The following TNPO2 variants were observed in gnomAD, a reference collection of about 807,000 sequenced individuals.
TNPO2 encodes transportin 2, also known as transportin-2.
In TNPO2, 16 loss-of-function variants were observed where a neutral mutation model predicts 111.1. The ratio of observed to expected loss-of-function variants is 0.14; its 90% CI spans 0.10 to 0.22. The LOEUF (loss-of-function observed/expected upper bound fraction) is 0.22, where lower values mean the gene tolerates loss of function less well. TNPO2 is among the 10% of genes least tolerant of loss of function. The pLI is 1.00. For missense variants in TNPO2, 530 were observed against 1,173.7 expected (o/e 0.45, Z 8.01); for synonymous variants, 481 against 475.8 (o/e 1.01, Z -0.14).
In TNPO2 at chr19:12,719,307, G is replaced by A; in HGVS notation, c.129C>T (p.Asp43=). The A allele has an allele frequency of 8.1e-6, 13 of 1,613,966 alleles. No individual in the cohort carries two copies. The highest frequency in any genetic ancestry group is 1.1e-5 in the Non-Finnish European group (13 of 1,179,878). The change falls in exon 4 of 26, where the codon GAC becomes GAT. Residue 43 remains aspartate (D), a synonymous_variant. Coordinates refer to ENST00000425528, the MANE Select transcript of TNPO2 (RefSeq NM_001382241.1). This position sits in a 1 kb window ranked among gnomAD's most constrained non-coding sequence, Gnocchi z 5.0. The part of the protein sequence containing the change: ...DKLKQLNQFP[D]FNNYLIFVLT... ...GGACGAAAATCAGGTAGTTGTTGAA[G>A]TCAGGAAACTGATTGAGTTGTTTGA...
chr19:12,723,064 G>A (rs1424188938), intron 2 of TNPO2, among the ~76,000 whole-genome samples, 185 bp downstream of exon 2: 1 of 152,176 alleles, frequency 6.6e-6, no homozygotes, highest in Non-Finnish European at 1.5e-5. Context: ...AAGAAAGCAG[G>A]ACAAAGTAAG....
At position 12,699,425 on chromosome 19, in the gene TNPO2, A is replaced by C. The variant is rs984282715; in HGVS notation, c.*1839T>G. 1.0e-4 allele frequency: 17 copies of C among 162,910 alleles called. No individual in the cohort carries two copies. Among genetic ancestry groups the C allele is most frequent in the Non-Finnish European group, 1.9e-4 (14 of 72,830 alleles). The allele number at this position is 162,910 out of a possible 1,614,324, so 10.1% of individuals were successfully genotyped here. A position where few individuals can be genotyped will look rare whatever the true frequency, so the allele number is the denominator to read the frequency against. ...AAGCTGAAACTTCATTGTGCAAAAAACAACCAAAAATAAATTAAAAAATTA... is the reference window on the plus strand; with the variant it reads ...AAGCTGAAACTTCATTGTGCAAAAACCAACCAAAAATAAATTAAAAAATTA... On this transcript the variant is annotated 3_prime_UTR_variant, in exon 26 of 26. Transcript: ENST00000425528.
intron 5 of TNPO2, among the ~76,000 whole-genome samples, chr19:12,718,652 T>G (rs531778080): frequency 3.9e-5 from 6 of 152,324 alleles, no homozygotes; most frequent in South Asian, 2.1e-4. Context: ...GAAAAGGCTC[T>G]GCTGAAAACC....
Position 12,721,402 on chromosome 19 carries a change from C to T in TNPO2, c.-13-412G>A, listed in dbSNP as rs1242633128. ...CCCCGCCCCAGACCGTGATAGCGCC[C>T]CGGCCCCCGTGGTCTCTTCTATGCA... On this transcript the variant is annotated intron_variant, in intron 2 of 25. Transcript: ENST00000425528. This position sits in a 1 kb window ranked among gnomAD's most constrained non-coding sequence, Gnocchi z 4.9. 1.2e-6 allele frequency: 1 copy of T among 852,268 alleles called. No homozygotes were observed. The allele number at this position is 852,268 out of a possible 1,614,324, so 52.8% of individuals were successfully genotyped here. A position where few individuals can be genotyped will look rare whatever the true frequency, so the allele number is the denominator to read the frequency against.
chr19:12,701,983 AGGCAGAT>A lies in TNPO2; in HGVS notation c.2411+82_2411+88del, dbSNP rs2025338462. 1 of 1,438,948 alleles carries A rather than the reference AGGCAGAT, an allele frequency of 6.9e-7. No homozygotes were observed. Among genetic ancestry groups the A allele is most frequent in the Non-Finnish European group, 9.8e-7 (1 of 1,023,086 alleles). 89.1% of individuals were successfully genotyped at this position (1,438,948 alleles called of 1,614,324 possible). On this transcript the variant is annotated intron_variant, in intron 22 of 25. Transcript: ENST00000425528. The surrounding 1 kb of genome is among the most constrained non-coding windows in gnomAD (Gnocchi z 5.0). ...GGGTGGGGCAGGGCAGGGAGTCAGT[AGGCAGAT>A]GGGGCTGGAAATGCACAGGCGAGGG... is the stretch of plus-strand genomic sequence containing the variant.
In TNPO2 at chr19:12,702,269, C is replaced by G. The variant is rs1193777740; in HGVS notation, c.2306-92G>C. On this transcript the variant is annotated intron_variant, in intron 21 of 25. Coordinates refer to ENST00000425528, the MANE Select transcript of TNPO2 (RefSeq NM_001382241.1). The surrounding 1 kb of genome is among the most constrained non-coding windows in gnomAD (Gnocchi z 5.5). ...CCCATGAGCCCCAAGGGAATGGCTA[C>G]TGCAGCCACCCTGGTCCCCCAAGCT... 3 of 1,102,900 alleles carry G rather than the reference C, an allele frequency of 2.7e-6. No homozygotes were observed. Among genetic ancestry groups the G allele is most frequent in the Non-Finnish European group, 2.7e-6 (2 of 750,000 alleles). The allele number at this position is 1,102,900 out of a possible 1,614,324, so 68.3% of individuals were successfully genotyped here.
chr19:12,707,774 G>A (rs548465381), intron 13 of TNPO2, among the ~76,000 whole-genome samples: 7 of 151,016 alleles, frequency 4.6e-5, no homozygotes, highest in Non-Finnish European at 7.4e-5. Context: ...GTGTCTGGCC[G>A]TTTATGATTG....
In TNPO2 at chr19:12,703,139, C is replaced by A. The variant is rs2025421226; in HGVS notation, c.2210-221G>T. The A allele has an allele frequency of 6.8e-6, 4 of 587,448 alleles. No homozygotes were observed. The Admixed American group carries it at 1.2e-4, about 18-fold the overall frequency. 36.4% of individuals were successfully genotyped at this position (587,448 alleles called of 1,614,324 possible). A position where few individuals can be genotyped will look rare whatever the true frequency, so the allele number is the denominator to read the frequency against. ...CAAACAACAGAGGCTTCTCTGGAGT[C>A]GCTAAGGTGACAACACGCTGCCCAA... On this transcript the variant is annotated intron_variant, in intron 20 of 25. Transcript: ENST00000425528.
intron 20 of TNPO2, 112 bp from the exon 21 acceptor site, chr19:12,703,030 C>CG (rs1568331401): frequency 1.1e-6 from 1 of 911,850 alleles, no homozygotes; most frequent in Non-Finnish European, 1.7e-6. Flanking sequence ...ACTGGCCAAC[C>CG]ACTACCAGTG....
In TNPO2 at chr19:12,706,115, G is replaced by A. The variant is rs769177159; in HGVS notation, c.1668+81C>T. 37 of 1,507,960 alleles carry A rather than the reference G, an allele frequency of 2.5e-5. No homozygotes were observed. In the East Asian group the frequency reaches 3.5e-4, roughly 14 times the overall value. 93.4% of individuals were successfully genotyped at this position (1,507,960 alleles called of 1,614,324 possible). A position where few individuals can be genotyped will look rare whatever the true frequency, so the allele number is the denominator to read the frequency against. ...TCGAGGTCACGGCCACGTCCCTGGC[G>A]TGCAACACGGGGTTGCCACCAGGTC... On this transcript the variant is annotated intron_variant, in intron 15 of 25. Coordinates refer to ENST00000425528, the MANE Select transcript of TNPO2 (RefSeq NM_001382241.1). This position sits in a 1 kb window ranked among gnomAD's most constrained non-coding sequence, Gnocchi z 7.0.
In TNPO2 at chr19:12,706,471, G is replaced by C; in HGVS notation, c.1496+99C>G. 1 of 1,569,306 alleles carries C rather than the reference G, an allele frequency of 6.4e-7. No homozygotes were observed. The highest frequency in any genetic ancestry group is 8.8e-7 in the Non-Finnish European group (1 of 1,140,338). ...ACTCAGGATCAGCCAGTACGAATAC[G>C]CGATAAATCAGTTCCACATCAACAG... On this transcript the variant is annotated intron_variant, in intron 14 of 25. Coordinates refer to ENST00000425528, the MANE Select transcript of TNPO2 (RefSeq NM_001382241.1). This position sits in a 1 kb window ranked among gnomAD's most constrained non-coding sequence, Gnocchi z 7.0.
chr19:12,713,819 G>A (rs1331469158), intron 10 of TNPO2, among the ~76,000 whole-genome samples: 1 of 152,146 alleles, frequency 6.6e-6, no homozygotes, highest in Non-Finnish European at 1.5e-5. Flanking sequence ...CTTGAGGCCA[G>A]GGATCCGAGA....
rs1568338016 is a variant in TNPO2 at position 12,715,554 on chromosome 19, C to T, written c.433-16G>A. On this transcript the variant is annotated splice_polypyrimidine_tract_variant and intron_variant, in intron 6 of 25. Transcript: ENST00000425528. The surrounding 1 kb of genome is among the most constrained non-coding windows in gnomAD (Gnocchi z 7.1). ...CAAAGGCTCCCTGAGTGCAGAGGGG[C>T]AGAGAGACAAACGTGGGTGGTGGGT... 6.2e-7 allele frequency: 1 copy of T among 1,613,800 alleles called. No homozygotes were observed. The highest frequency in any genetic ancestry group is 1.1e-5 in the South Asian group (1 of 91,078).
Position 12,706,626 on chromosome 19 carries a change from T to C in TNPO2, c.1440A>G (p.Thr480=), listed in dbSNP as rs768536152. 4 of 1,614,000 alleles carry C rather than the reference T, an allele frequency of 2.5e-6. No individual in the cohort carries two copies. In the Admixed American group the frequency reaches 6.7e-5, roughly 27 times the overall value. Residue 480 remains threonine (T), a synonymous_variant, in exon 14 of 26, where the codon ACA becomes ACG. Coordinates refer to ENST00000425528, the MANE Select transcript of TNPO2 (RefSeq NM_001382241.1). This position sits in a 1 kb window ranked among gnomAD's most constrained non-coding sequence, Gnocchi z 7.0. ...PPDMHLKPLM[T]ELLKRILDGN... is the part of the protein sequence containing the mutation. ...CATCCAGGATGCGTTTGAGCAGCTC[T>C]GTCATCAGGGGCTTGAGGTGCATGT...
chr19:12,711,657 A>G (rs1275129327), intron 10 of TNPO2, 44 bp from the exon 11 acceptor site: 2 of 1,586,024 alleles, frequency 1.3e-6, no homozygotes, highest in Non-Finnish European at 1.7e-6. Flanking sequence ...GGGCCGTGGC[A>G]AAAGTTGGGG....
Position 12,701,960 on chromosome 19 carries a change from G to T in TNPO2, c.2412-109C>A. On this transcript the variant is annotated intron_variant, in intron 22 of 25. Transcript: ENST00000425528. The surrounding 1 kb of genome is among the most constrained non-coding windows in gnomAD (Gnocchi z 5.0). ...GGGCCTGGGACATGCATCTGTGGGG[G>T]TGGGGCAGGGCAGGGAGTCAGTAGG... The T allele has an allele frequency of 7.2e-7, 1 of 1,391,696 alleles. No individual in the cohort carries two copies. The highest frequency in any genetic ancestry group is 1.0e-6 in the Non-Finnish European group (1 of 980,328). The allele number at this position is 1,391,696 out of a possible 1,614,324, so 86.2% of individuals were successfully genotyped here. A position where few individuals can be genotyped will look rare whatever the true frequency, so the allele number is the denominator to read the frequency against.
Position 12,706,184 on chromosome 19 carries a change from C to A in TNPO2, c.1668+12G>T, listed in dbSNP as rs777235765. The A allele has an allele frequency of 1.2e-6, 2 of 1,612,594 alleles. No homozygotes were observed. Among genetic ancestry groups the A allele is most frequent in the East Asian group, 4.5e-5 (2 of 44,878 alleles). On this transcript the variant is annotated intron_variant, in intron 15 of 25. Coordinates refer to ENST00000425528, the MANE Select transcript of TNPO2 (RefSeq NM_001382241.1). This position sits in a 1 kb window ranked among gnomAD's most constrained non-coding sequence, Gnocchi z 7.0. ...CGGGGATCGGGAGGCGGGAGCCGCT[C>A]TGGGGTCTCACCGGCTGGTTGAGGT...
intron 2 of TNPO2, chr19:12,722,559 A>AT (rs1442916169): frequency 7.2e-6 from 1 of 138,594 alleles, no homozygotes; most frequent in Non-Finnish European, 1.5e-5. Context: ...AAGAGAGAGA[A>AT]TTAAAAAAAA....
At position 12,701,082 on chromosome 19, in the gene TNPO2, A is replaced by C; in HGVS notation, c.*182T>G. 12 of 377,992 alleles carry C rather than the reference A, an allele frequency of 3.2e-5. No homozygotes were observed. Among genetic ancestry groups the C allele is most frequent in the East Asian group, 1.4e-4 (3 of 20,956 alleles). The allele number at this position is 377,992 out of a possible 1,614,324, so 23.4% of individuals were successfully genotyped here. A position where few individuals can be genotyped will look rare whatever the true frequency, so the allele number is the denominator to read the frequency against. On this transcript the variant is annotated 3_prime_UTR_variant, in exon 26 of 26. Coordinates refer to ENST00000425528, the MANE Select transcript of TNPO2 (RefSeq NM_001382241.1). This position sits in a 1 kb window ranked among gnomAD's most constrained non-coding sequence, Gnocchi z 5.0. ...AGCATGGTGGCCCCACCCACCTGCC[A>C]GGAGGGCAAGTGGACGGATGGACGG...
Sources: gnomAD v4.1 joint callset for allele counts (sites outside exome capture counted in the v4.1 genomes callset) on GRCh38, gnomAD v4.1.1 for gene constraint, Gnocchi (gnomAD v3.1) non-coding constraint, MANE v1.5 for transcripts, NCBI Gene and HGNC (gene_info 2026-07-23, HGNC 2026-07-21) for gene names.